Variants in BRDT observed in about 807,000 individuals in gnomAD.
BRDT encodes the protein bromodomain testis associated, also known as bromodomain testis-specific protein.
BRDT carries 77 observed loss-of-function variants against 113.9 expected under a neutral mutation model. The ratio of observed to expected loss-of-function variants is 0.68; its 90% confidence interval spans 0.56 to 0.82. BRDT has a LOEUF of 0.82. Among genes scored for constraint, BRDT ranks in the 40% least tolerant of loss-of-function variants. The pLI is 0.00. For synonymous variants in BRDT, 358 were observed against 366.5 expected, an observed-to-expected ratio of 0.98 and a Z score of 0.26; for missense variants, 1,027 against 1,105.4, an observed-to-expected ratio of 0.93 and a Z score of 1.01.
chr1:91,986,012 A>C (rs1231299740), intron 12 of BRDT, among the ~76,000 whole-genome samples: 1 of 152,188 alleles, frequency 6.6e-6, no homozygotes, highest in Non-Finnish European at 1.5e-5. Context: ...ATTTGGTTTT[A>C]TTTATCTTTT....
intron 16 of BRDT, 141 bp downstream of exon 16, chr1:92,002,290 A>G (rs755859790): frequency 4.9e-6 from 3 of 610,396 alleles, no homozygotes; most frequent in Non-Finnish European, 8.7e-6. Flanking sequence ...TAATTTTTTG[A>G]AAAAGTACTT....
intron 15 of BRDT, among the ~76,000 whole-genome samples, chr1:91,999,339 T>C (rs1686630546): frequency 6.6e-6 from 1 of 152,168 alleles, no homozygotes; most frequent in Admixed American, 6.5e-5. Flanking sequence ...AAGATGAGTT[T>C]TGTAGTCTTT....
At chr1:91,971,843 G>A (rs370433278) in intron 4 of BRDT, among the ~76,000 whole-genome samples, 2 of 152,062 alleles carry the variant, frequency 1.3e-5, no homozygotes, top group African/African-American at 4.8e-5. Flanking sequence ...ATTTGTGAAC[G>A]GATCTTGCCA....
chr1:91,983,174 A>G (rs1340342771), intron 12 of BRDT, among the ~76,000 whole-genome samples: 3 of 152,026 alleles, frequency 2.0e-5, no homozygotes, highest in East Asian at 1.9e-4. Flanking sequence ...AAGAATATTT[A>G]TCACTAACTT....
At chr1:91,969,047 C>T (rs920449593) in intron 4 of BRDT, among the ~76,000 whole-genome samples, 2 of 152,062 alleles carry the variant, frequency 1.3e-5, no homozygotes, top group African/African-American at 2.4e-5. Context: ...AGCCATTCTC[C>T]TGCCTCAGCC....
Position 92,014,272 on chromosome 1 carries a change from T to G in BRDT, c.2842T>G (p.Ter948GluextTer12). Reference protein sequence around the residue: ...IMTMFENNFD* With the variant: ...IMTMFENNFDE ...GACAATGTTTGAAAACAACTTTGAT[T>G]AAAACTCAGTTTTTAAATTAACCAT... Residue 948 changes from the stop codon to glutamate, a stop_lost, in exon 19 of 19, where the codon TAA becomes GAA. Coordinates refer to ENST00000399546, the MANE Select transcript of BRDT (RefSeq NM_207189.4). 1 of 1,581,126 alleles carries G rather than the reference T, an allele frequency of 6.3e-7. No homozygotes were observed. The highest frequency in any genetic ancestry group is 8.6e-7 in the Non-Finnish European group (1 of 1,163,260).
At chr1:92,003,847 G>A (rs913550611) in intron 16 of BRDT, among the ~76,000 whole-genome samples, 2 of 152,008 alleles carry the variant, frequency 1.3e-5, no homozygotes, top group African/African-American at 4.8e-5. Context: ...TTAAAACGTG[G>A]CTATTAGAAA....
chr1:91,971,142 T>G (rs1464447586), intron 4 of BRDT, among the ~76,000 whole-genome samples: 1 of 151,926 alleles, frequency 6.6e-6, no homozygotes, highest in African/African-American at 2.4e-5. Flanking sequence ...AGCAACCAGC[T>G]CTTCTGTGAA....
At chr1:91,954,777 T>C (rs1681550307) in intron 1 of BRDT, among the ~76,000 whole-genome samples, 1 of 151,710 alleles carries the variant, frequency 6.6e-6, no homozygotes, top group South Asian at 2.1e-4. Flanking sequence ...TTGAGCAGCA[T>C]GGTGAACCCT....
chr1:91,999,353 G>A (rs147870170), intron 15 of BRDT, among the ~76,000 whole-genome samples: 367 of 152,180 alleles, frequency 2.4e-3, no homozygotes, highest in African/African-American at 8.4e-3. Flanking sequence ...AGTCTTTTGA[G>A]GTATCACAGG....
At chr1:91,957,250 T>C (rs568935685) in intron 1 of BRDT, among the ~76,000 whole-genome samples, 1 of 152,268 alleles carries the variant, frequency 6.6e-6, no homozygotes, top group Non-Finnish European at 1.5e-5. Context: ...TCCCAGTACT[T>C]TGGGAGGCCG....
At position 91,980,758 on chromosome 1, in the gene BRDT, A is replaced by G; in HGVS notation, c.1403A>G (p.Asn468Ser). 6.2e-7 allele frequency: 1 copy of G among 1,605,694 alleles called. No homozygotes were observed. The highest frequency in any genetic ancestry group is 1.1e-5 in the South Asian group (1 of 88,204). The change falls in exon 9 of 19, where the codon AAT becomes AGT. Residue 468 changes from asparagine to serine, a missense_variant. Transcript: ENST00000399546. ...EKKKEKVNNS[N>S]ENPRKMCEQM... ...AAAAAAGAAAAGGTTAATAACAGCA[A>G]TGAAAATCCAAGAAAAATGTGTGAG...
intron 12 of BRDT, among the ~76,000 whole-genome samples, chr1:91,988,129 G>A (rs1685432572): frequency 6.6e-6 from 1 of 152,200 alleles, no homozygotes; most frequent in Admixed American, 6.5e-5. Flanking sequence ...TCACAGGTGT[G>A]AGCCACCGTG....
intron 1 of BRDT, chr1:91,957,563 C>T (rs1681923590): frequency 6.6e-6 from 1 of 152,136 alleles, no homozygotes; most frequent in East Asian, 1.9e-4. Flanking sequence ...ATAGTGTTCC[C>T]ATCTACCCCG....
rs141770631 is a variant in BRDT at position 91,995,927 on chromosome 1, T to C, written c.2287+1673T>C. 5.8e-3 allele frequency among the ~76,000 whole-genome samples: 885 copies of C among 152,246 alleles called. 4 individuals are homozygous for C. The highest frequency in any genetic ancestry group is 0.01 in the Middle Eastern group (3 of 294). ...CTGTGTTTGAATATTCCATTTTGTC[T>C]TTAATTAAAGTTATATCTCTTCATT... is the stretch of plus-strand genomic sequence containing the variant. On this transcript the variant is annotated intron_variant, in intron 15 of 18. Transcript: ENST00000399546.
At chr1:92,000,647 G>A (rs552965778) in intron 15 of BRDT, among the ~76,000 whole-genome samples, 12 of 152,152 alleles carry the variant, frequency 7.9e-5, no homozygotes, top group Non-Finnish European at 1.5e-4. Context: ...GTTAGTTTGG[G>A]TTAGTTAACA....
rs199899960 is a variant in BRDT at position 91,964,783 on chromosome 1, A to G, written c.330+19A>G. 7.2e-7 allele frequency: 1 copy of G among 1,388,874 alleles called. No homozygotes were observed. The highest frequency in any genetic ancestry group is 2.4e-5 in the East Asian group (1 of 42,084). 86.0% of individuals were successfully genotyped at this position (1,388,874 alleles called of 1,614,324 possible). A position where few individuals can be genotyped will look rare whatever the true frequency, so the allele number is the denominator to read the frequency against. On this transcript the variant is annotated intron_variant, in intron 3 of 18. Coordinates refer to ENST00000399546, the MANE Select transcript of BRDT (RefSeq NM_207189.4). ...TAACAAGGTATGTAAGCCTTATGTT[A>G]TACTTGCTAATTCTTTGCCATTACA...
intron 6 of BRDT, 158 bp downstream of exon 6, chr1:91,977,551 T>C (rs1462593356): frequency 1.6e-6 from 1 of 624,658 alleles, no homozygotes; most frequent in East Asian, 3.1e-5. Context: ...AAAATATATC[T>C]TTTTGTTTTC....
chr1:91,980,891 A>T lies in BRDT; in HGVS notation c.1463A>T (p.Gln488Leu). The change falls in exon 10 of 19, where the codon CAG becomes CTG. Residue 488 changes from glutamine to leucine, a missense_variant and splice_region_variant. Gln to Leu is a moderately radical substitution (Grantham distance 113). Coordinates refer to ENST00000399546, the MANE Select transcript of BRDT (RefSeq NM_207189.4). ...ACTAAATTTAGTTTTTGTTACAGTC[A>T]GCCAAAGAAAAGGAAACAACAGTTC... Reference protein sequence around the residue: ...MRLKEKSKRNQPKKRKQQFIG... With the variant: ...MRLKEKSKRNLPKKRKQQFIG... The T allele has an allele frequency of 6.3e-7, 1 of 1,598,650 alleles. No homozygotes were observed.
Sources: allele counts gnomAD v4.1 joint callset (sites outside exome capture counted in the v4.1 genomes callset), GRCh38; gene constraint gnomAD v4.1.1; transcripts MANE v1.5; gene names NCBI Gene and HGNC (gene_info 2026-07-23, HGNC 2026-07-21).